NDUFS2: variants seen among roughly 807,000 people sequenced by gnomAD.
The protein encoded by NDUFS2 is NADH:ubiquinone oxidoreductase core subunit S2.
In NDUFS2, 38 loss-of-function variants were observed where a neutral mutation model predicts 69.6. The ratio of observed to expected loss-of-function variants is 0.55; its 90% CI spans 0.42 to 0.72. The LOEUF is 0.72. Ranked by LOEUF, NDUFS2 falls within the 30% of genes least tolerant of loss-of-function variation. The pLI, the probability that NDUFS2 is intolerant of heterozygous loss-of-function variation, is 0.00. For synonymous variants in NDUFS2, 194 were observed against 211.2 expected (o/e 0.92, Z 0.70); for missense variants, 468 against 595.0 (o/e 0.79, Z 2.22).
At chr1:161,210,807 C>T in intron 9 of NDUFS2, 97 bp downstream of exon 9, 5 of 1,563,056 alleles carry the variant, frequency 3.2e-6, no homozygotes, top group South Asian at 1.1e-5. Flanking sequence ...TTCTCAGTGT[C>T]TGTGGGAGCT....
Position 161,209,858 on chromosome 1 carries a change from T to C in NDUFS2, c.629T>C (p.Met210Thr), listed in dbSNP as rs751068903. 9.3e-6 allele frequency: 15 copies of C among 1,613,908 alleles called. No individual in the cohort carries two copies. In the Admixed American group the frequency reaches 1.8e-4, roughly 20 times the overall value. Residue 210 changes from methionine to threonine, a missense_variant and splice_region_variant, in exon 6 of 14, where the codon ATG becomes ACG. This residue lies in a region of NDUFS2 where 339 missense variants were observed against 433.8 expected (regional missense o/e 0.78). Transcript: ENST00000676972. ...FFWLFEEREKMFEFYERVSGA... is the reference protein window; with the variant it reads ...FFWLFEEREKTFEFYERVSGA... The stretch of plus-strand genomic sequence containing the variant: ...TAATTCCCAGCACGTTCTATGAAGA[T>C]GTTTGAGTTCTACGAGCGAGTGTCT...
upstream of NDUFS2, chr1:161,198,421 G>A (rs1468694689): frequency 1.9e-5 from 30 of 1,598,974 alleles, 1 homozygote; most frequent in Admixed American, 3.5e-5. The surrounding 1 kb of genome is among the most constrained non-coding windows in gnomAD (Gnocchi z 4.7). Flanking sequence ...GCAGGACGCT[G>A]CCGTTGAGCT....
Position 161,206,347 on chromosome 1 carries a change from A to G in NDUFS2, c.203-60A>G, listed in dbSNP as rs4656993. 0.61 allele frequency: 953,794 copies of G among 1,572,648 alleles called. 293,679 individuals are homozygous for G. Among genetic ancestry groups the G allele is most frequent in the East Asian group, 0.92 (40,891 of 44,674 alleles). On this transcript the variant is annotated intron_variant, in intron 2 of 13. Transcript: ENST00000676972. ...TATAGGGAGAGGCTAACTCCTTGCT[A>G]TCTTTTGGGGGATCCCAAGGGAATA...
intron 1 of NDUFS2, 93 bp downstream of exon 1, chr1:161,202,573 G>A (rs1665200347): frequency 7.9e-7 from 1 of 1,270,684 alleles, no homozygotes; most frequent in Non-Finnish European, 1.1e-6. Context: ...AATAACCCAA[G>A]CCTGTGACCC....
In NDUFS2 at chr1:161,210,300, A is replaced by G. The variant is rs761521965; in HGVS notation, c.781-4A>G. ...ATTAACACACCAGTTTTCTTGATCA[A>G]TAGTTGCTGACCAACAATAGGATCT... On this transcript the variant is annotated splice_polypyrimidine_tract_variant and splice_region_variant and intron_variant, in intron 7 of 13. Coordinates refer to ENST00000676972, the MANE Select transcript of NDUFS2 (RefSeq NM_001377299.1). 5 of 1,613,558 alleles carry G rather than the reference A, an allele frequency of 3.1e-6. No homozygotes were observed. Among genetic ancestry groups the G allele is most frequent in the African/African-American group, 1.3e-5 (1 of 74,928 alleles).
intron 13 of NDUFS2, 39 bp from the exon 14 acceptor site, chr1:161,214,117 A>T (rs558513820): frequency 1.2e-6 from 2 of 1,614,034 alleles, no homozygotes; most frequent in Non-Finnish European, 1.7e-6. Flanking sequence ...CAACAGGAAG[A>T]TAAGTAACAT....
chr1:161,209,804 T>A, intron 5 of NDUFS2, 53 bp from the exon 6 acceptor site: 1 of 1,584,544 alleles, frequency 6.3e-7, no homozygotes, highest in Non-Finnish European at 8.6e-7. Context: ...TAGGCCATCA[T>A]AGGACCTGGG....
upstream of NDUFS2, chr1:161,198,329 G>A (rs1435009764): frequency 6.2e-7 from 1 of 1,613,300 alleles, no homozygotes. This position sits in a 1 kb window ranked among gnomAD's most constrained non-coding sequence, Gnocchi z 4.7. Context: ...CTGCACACCG[G>A]AGTCCTGCTC....
chr1:161,206,915 G>A (rs757824938), intron 3 of NDUFS2, among the ~76,000 whole-genome samples: 5 of 152,180 alleles, frequency 3.3e-5, no homozygotes, highest in Admixed American at 2.0e-4. Context: ...GTCAAAGCCA[G>A]TGTCCCTAGG....
intron 10 of NDUFS2, 101 bp from the exon 11 acceptor site, chr1:161,213,279 T>C (rs1665871061): frequency 1.3e-6 from 1 of 761,726 alleles, no homozygotes; most frequent in African/African-American, 1.7e-5. Flanking sequence ...GACATGTGGC[T>C]TTAGTCTCCC....
intron 2 of NDUFS2, among the ~76,000 whole-genome samples, chr1:161,205,607 G>A (rs1665416157): frequency 6.6e-6 from 1 of 152,012 alleles, no homozygotes; most frequent in South Asian, 2.1e-4. Flanking sequence ...AAATTAAAAT[G>A]TAAGCTTCAG....
rs529069294 is a variant in NDUFS2, at chr1:161,208,536, G to A, written c.394-657G>A. ...GCTGGTCTCAAACTCCTGACCTCAG[G>A]TGATCTACCCGCCTCGGCCTCCCAA... On this transcript the variant is annotated intron_variant, in intron 3 of 13. Transcript: ENST00000676972. Among the ~76,000 whole-genome samples, 29 of 152,156 alleles carry A rather than the reference G, an allele frequency of 1.9e-4. 1 individual carries two copies. The highest frequency in any genetic ancestry group is 1.1e-3 in the Admixed American group (17 of 15,270).
At chr1:161,212,644 C>G (rs2102054691) in intron 10 of NDUFS2, 164 bp downstream of exon 10, 2 of 824,162 alleles carry the variant, frequency 2.4e-6, no homozygotes, top group Non-Finnish European at 3.6e-6. Context: ...ACTGCAACCT[C>G]CGCCTCCCAG....
intron 10 of NDUFS2, among the ~76,000 whole-genome samples, chr1:161,212,937 G>T (rs1185288284): frequency 6.6e-6 from 1 of 151,620 alleles, no homozygotes; most frequent in Non-Finnish European, 1.5e-5. Context: ...ACGGTGTCAC[G>T]CTCTTTCACC....
At chr1:161,198,573 C>T (rs757322450), upstream of NDUFS2, 11 of 1,553,288 alleles carry the variant, frequency 7.1e-6, no homozygotes, top group South Asian at 1.1e-4. This position sits in a 1 kb window ranked among gnomAD's most constrained non-coding sequence, Gnocchi z 4.7. Context: ...GGTTGGGCTC[C>T]CCACAGCCAG....
intron 3 of NDUFS2, among the ~76,000 whole-genome samples, chr1:161,208,454 C>T (rs770647889): frequency 4.6e-5 from 7 of 152,150 alleles, no homozygotes; most frequent in Non-Finnish European, 7.3e-5. Context: ...GCATGCACCA[C>T]CACGCCCTGC....
chr1:161,210,506 G>A, intron 8 of NDUFS2, 85 bp from the exon 9 acceptor site: 1 of 1,609,064 alleles, frequency 6.2e-7, no homozygotes, highest in Non-Finnish European at 8.5e-7. Context: ...TGAATGTGAA[G>A]GATCAACAAG....
At chr1:161,204,280 GCA>G (rs1199135733) in intron 2 of NDUFS2, among the ~76,000 whole-genome samples, 2 of 152,064 alleles carry the variant, frequency 1.3e-5, no homozygotes, top group African/African-American at 4.8e-5. Context: ...TTGATCAGTG[GCA>G]CCCTCATTCT....
In NDUFS2 at chr1:161,206,570, G is replaced by C; in HGVS notation, c.366G>C (p.Lys122Asn). 1 of 1,613,990 alleles carries C rather than the reference G, an allele frequency of 6.2e-7. No individual in the cohort carries two copies. The highest frequency in any genetic ancestry group is 8.5e-7 in the Non-Finnish European group (1 of 1,180,024). ...HIGLLHRGTE[K>N]LIEYKTYLQA... ...GGCTCCTGCACCGAGGCACTGAGAA[G>C]CTCATTGAATACAAGACCTATCTTC... Residue 122 changes from lysine to asparagine, a missense_variant, in exon 3 of 14, where the codon AAG becomes AAC. Physicochemically the swap from Lys to Asn is moderately conservative, Grantham distance 94. Coordinates refer to ENST00000676972, the MANE Select transcript of NDUFS2 (RefSeq NM_001377299.1).
Sources: allele counts gnomAD v4.1 joint callset (sites outside exome capture counted in the v4.1 genomes callset), GRCh38; gene constraint gnomAD v4.1.1; regional missense constraint gnomAD v4.1.1; non-coding constraint Gnocchi (gnomAD v3.1); transcripts MANE v1.5; gene names NCBI Gene and HGNC (gene_info 2026-07-23, HGNC 2026-07-21).